Variants in FNDC8 observed in about 807,000 individuals in gnomAD.
FNDC8 encodes fibronectin type III domain-containing protein 8.
FNDC8 carries 23 observed loss-of-function variants against 24.8 expected under a neutral mutation model. The observed-to-expected ratio is 0.93, with a 90% CI of 0.67 to 1.31. The LOEUF is 1.31. Ranked by LOEUF, FNDC8 falls within the 40% of genes most tolerant of loss-of-function variation. The pLI is 0.00. For missense variants in FNDC8, 371 were observed against 398.2 expected (o/e 0.93, Z 0.58); for synonymous variants, 158 against 165.3 (o/e 0.96, Z 0.34).
At chr17:35,126,608 T>TTC (rs550746928) in intron 1 of FNDC8, among the ~76,000 whole-genome samples, 2,417 of 150,558 alleles carry the variant, frequency 0.016, 25 homozygotes, top group Middle Eastern at 0.038. Context: ...GTTCAAGCAA[T>TTC]TCTCCTGCCT....
At chr17:35,125,047 CAAAA>C (rs60189697) in intron 1 of FNDC8, among the ~76,000 whole-genome samples, 2 of 62,520 alleles carry the variant, frequency 3.2e-5, no homozygotes. Context: ...GACTCCAGCT[CAAAA>C]AAAAAAAAAA....
Position 35,130,336 on chromosome 17 carries a change from A to G in FNDC8, c.877A>G (p.Ile293Val), listed in dbSNP as rs2091869172. Residue 293 changes from isoleucine to valine, a missense_variant, in exon 4 of 4, where the codon ATC becomes GTC. By Grantham distance (29) the Ile-to-Val change is conservative (BLOSUM62 3). Coordinates refer to ENST00000158009, the MANE Select transcript of FNDC8 (RefSeq NM_017559.4). ...CTTTCCTGAGAACTACCCCATCCAG[A>G]TCACCGTGCGGCGCAAGGAACCCCG... is the stretch of plus-strand genomic sequence containing the variant. Reference protein sequence around the residue: ...SSFPENYPIQITVRRKEPRQK... With the variant: ...SSFPENYPIQVTVRRKEPRQK... 6.2e-7 allele frequency: 1 copy of G among 1,614,138 alleles called. No individual in the cohort carries two copies. Among genetic ancestry groups the G allele is most frequent in the Admixed American group, 1.7e-5 (1 of 60,004 alleles).
rs372341617 is a variant in FNDC8, at chr17:35,130,384, C to A, written c.925C>A (p.Pro309Thr). The A allele has an allele frequency of 8.1e-5, 131 of 1,613,970 alleles. No homozygotes were observed. The South Asian group carries it at 1.4e-3, about 17-fold the overall frequency. Residue 309 changes from proline (P) to threonine (T), a missense_variant, in exon 4 of 4, where the codon CCG becomes ACG. Coordinates refer to ENST00000158009, the MANE Select transcript of FNDC8 (RefSeq NM_017559.4). ...EPRQKIVSIG[P>T]EEMRRLEDLE... is the part of the protein sequence containing the mutation. ...CCGGCAAAAGATCGTGTCCATCGGG[C>A]CGGAGGAGATGCGGAGGCTGGAGGA... is the stretch of plus-strand genomic sequence containing the variant.
intron 2 of FNDC8, 82 bp from the exon 3 acceptor site, chr17:35,129,340 G>T (rs3736144): frequency 1.3e-6 from 2 of 1,545,950 alleles, no homozygotes; most frequent in Non-Finnish European, 1.8e-6. Context: ...GGCATGGGAC[G>T]TCCTGACCCC....
chr17:35,130,198 A>G lies in FNDC8; in HGVS notation c.823-84A>G, dbSNP rs1443196230. ...GTTTAAGGTCTGAGTCAGCAGACAG[A>G]AAAAAAAGGGGTGATAGAGACAGAG... On this transcript the variant is annotated intron_variant, in intron 3 of 3. Transcript: ENST00000158009. 4.6e-6 allele frequency: 7 copies of G among 1,529,312 alleles called. No individual in the cohort carries two copies. In the Admixed American group the frequency reaches 8.5e-5, roughly 19 times the overall value. 94.7% of individuals were successfully genotyped at this position (1,529,312 alleles called of 1,614,324 possible).
intron 1 of FNDC8, among the ~76,000 whole-genome samples, chr17:35,126,213 C>T (rs1289790633): frequency 6.6e-6 from 1 of 152,072 alleles, no homozygotes; most frequent in Non-Finnish European, 1.5e-5. Flanking sequence ...TGAGCCACCG[C>T]GCCTGGCCCA....
intron 3 of FNDC8, 59 bp downstream of exon 3, chr17:35,129,717 A>C (rs1186359150): frequency 6.4e-7 from 1 of 1,570,460 alleles, no homozygotes; most frequent in Non-Finnish European, 8.6e-7. Context: ...CCAGGGAACC[A>C]GGGCTTTGGA....
chr17:35,122,644 G>A (rs1187429123), intron 1 of FNDC8, among the ~76,000 whole-genome samples: 1 of 151,894 alleles, frequency 6.6e-6, no homozygotes, highest in African/African-American at 2.4e-5. Context: ...TCTCTCTTTG[G>A]TACCTTCATC....
Position 35,121,882 on chromosome 17 carries a change from G to C in FNDC8, c.189G>C (p.Glu63Asp), listed in dbSNP as rs1426937681. ...AGGGCAATTTGGTCAACTTCTTGGA[G>C]GATGATACCATCAACCTACTGTAAG... ...ASKGNLVNFL[E>D]DDTINLLKPL... The change falls in exon 1 of 4, where the codon GAG (glutamate) becomes GAC (aspartate). Residue 63 changes from glutamate (E) to aspartate (D), a missense_variant. Transcript: ENST00000158009. The C allele has an allele frequency of 6.2e-7, 1 of 1,613,050 alleles. No homozygotes were observed. The highest frequency in any genetic ancestry group is 8.5e-7 in the Non-Finnish European group (1 of 1,179,838).
intron 1 of FNDC8, among the ~76,000 whole-genome samples, chr17:35,125,894 T>C (rs1477661887): frequency 6.6e-6 from 1 of 152,200 alleles, no homozygotes; most frequent in Admixed American, 6.5e-5. Context: ...AATAAGTTTT[T>C]GAGCATCCAC....
intron 1 of FNDC8, among the ~76,000 whole-genome samples, chr17:35,123,842 A>C (rs998061218): frequency 6.6e-6 from 1 of 152,134 alleles, no homozygotes; most frequent in Non-Finnish European, 1.5e-5. Context: ...TGTTGTGAAC[A>C]TCAGGAGGAG....
chr17:35,126,900 A>G lies in FNDC8; in HGVS notation c.210-142A>G, dbSNP rs541533764. The G allele has an allele frequency of 2.0e-5, 20 of 1,003,334 alleles. No individual in the cohort carries two copies. The East Asian group carries it at 3.4e-4, about 17-fold the overall frequency. 62.2% of individuals were successfully genotyped at this position (1,003,334 alleles called of 1,614,324 possible). On this transcript the variant is annotated intron_variant, in intron 1 of 3. Transcript: ENST00000158009. ...TAAGTGCCCTGGTGAGTCTAATGCA[A>G]TGCTATAGAGCAATGAGGCTGTTCC...
rs766384467 is a variant in FNDC8 at position 35,129,475 on chromosome 17, G to A, written c.639G>A (p.Leu213=). 1.9e-5 allele frequency: 30 copies of A among 1,614,088 alleles called. No individual in the cohort carries two copies. The Admixed American group carries it at 4.8e-4, about 26-fold the overall frequency. ...GKQPVSFYQL[L]LQEVAKTQEN... ...AGCCGGTCAGTTTCTACCAGCTCCT[G>A]TTACAGGAGGTGGCCAAGACACAGG... Residue 213 remains leucine, a synonymous_variant, in exon 3 of 4, where the codon CTG becomes CTA. Coordinates refer to ENST00000158009, the MANE Select transcript of FNDC8 (RefSeq NM_017559.4).
At chr17:35,130,146 G>A in intron 3 of FNDC8, 136 bp from the exon 4 acceptor site, 1 of 1,452,606 alleles carries the variant, frequency 6.9e-7, no homozygotes, top group Non-Finnish European at 9.0e-7. Context: ...CCTGTTTCCT[G>A]CGTCAATGGC....
intron 1 of FNDC8, among the ~76,000 whole-genome samples, chr17:35,122,908 G>T (rs573851554): frequency 6.6e-6 from 1 of 152,332 alleles, no homozygotes; most frequent in South Asian, 2.1e-4. Context: ...ATATAGCATG[G>T]TCTGGTAAGT....
intron 1 of FNDC8, among the ~76,000 whole-genome samples, chr17:35,126,069 C>T (rs774404057): frequency 3.3e-5 from 5 of 152,010 alleles, no homozygotes; most frequent in Non-Finnish European, 5.9e-5. Flanking sequence ...TACAGGCAAC[C>T]GCCACCATGC....
chr17:35,122,210 A>ATTT (rs5820100), intron 1 of FNDC8, among the ~76,000 whole-genome samples: 24 of 44,728 alleles, frequency 5.4e-4, no homozygotes, highest in African/African-American at 1.3e-3. Context: ...ATATATATAA[A>ATTT]TTTTTTTTTT....
At chr17:35,129,201 T>C (rs2091861575) in intron 2 of FNDC8, 2 of 571,684 alleles carry the variant, frequency 3.5e-6, no homozygotes, top group Non-Finnish European at 6.2e-6. Context: ...GGAATGAGGG[T>C]GTACCCTAAA....
chr17:35,122,167 T>TATATATATAC (rs2091829542), intron 1 of FNDC8, among the ~76,000 whole-genome samples: 2 of 26,732 alleles, frequency 7.5e-5, no homozygotes, highest in South Asian at 1.3e-3. Context: ...CATATATATA[T>TATATATATAC]ATATATATAT....
Sources: gnomAD v4.1 joint callset for allele counts (sites outside exome capture counted in the v4.1 genomes callset) on GRCh38, gnomAD v4.1.1 for gene constraint, MANE v1.5 for transcripts, NCBI Gene and HGNC (gene_info 2026-07-23, HGNC 2026-07-21) for gene names.